The following MIPEP variants were observed in gnomAD, a reference collection of about 807,000 sequenced individuals.
MIPEP encodes the protein mitochondrial intermediate peptidase.
A neutral mutation model predicts 90.3 loss-of-function variants in MIPEP; 79 were observed. The observed-to-expected ratio is 0.87, with a 90% CI of 0.73 to 1.05. The LOEUF (loss-of-function observed/expected upper bound fraction) is 1.05, where lower values mean the gene tolerates loss of function less well. Ranked by LOEUF, MIPEP falls within the 50% of genes least tolerant of loss-of-function variation. The pLI is 0.00. For missense variants in MIPEP, 940 were observed against 905.6 expected (o/e 1.04, Z -0.49); for synonymous variants, 334 against 315.8 (o/e 1.06, Z -0.61).
rs1870902428 is a variant in MIPEP at position 23,873,085 on chromosome 13, C to T, written c.603+1761G>A. Among the ~76,000 whole-genome samples, 2 of 152,106 alleles carry T rather than the reference C, an allele frequency of 1.3e-5. 1 individual carries two copies. The highest frequency in any genetic ancestry group is 1.3e-4 in the Admixed American group (2 of 15,274). The stretch of plus-strand genomic sequence containing the variant: ...CCACATGACTGAAATAAGTAAAATA[C>T]GTTCGGATGAATACAAAATTCCACC... On this transcript the variant is annotated intron_variant, in intron 5 of 18. Coordinates refer to ENST00000382172, the MANE Select transcript of MIPEP (RefSeq NM_005932.4).
At chr13:23,866,064 A>G (rs5024798) in intron 7 of MIPEP, among the ~76,000 whole-genome samples, 142,898 of 152,068 alleles carry the variant, frequency 0.94, 67,175 homozygotes, top group East Asian at 1. Context: ...CTCATTCACT[A>G]GCCACATGAA....
At chr13:23,788,242 T>C (rs915143899) in intron 16 of MIPEP, among the ~76,000 whole-genome samples, 1 of 152,224 alleles carries the variant, frequency 6.6e-6, no homozygotes, top group Non-Finnish European at 1.5e-5. Context: ...TTCCCTAAAC[T>C]TATTTATGAA....
intron 16 of MIPEP, among the ~76,000 whole-genome samples, chr13:23,769,194 C>G (rs549275154): frequency 1.3e-5 from 2 of 152,300 alleles, no homozygotes; most frequent in South Asian, 4.1e-4. Flanking sequence ...AAAATAAGGA[C>G]GTCCATGGTC....
intron 18 of MIPEP, among the ~76,000 whole-genome samples, chr13:23,754,604 C>T (rs979215895): frequency 6.6e-6 from 1 of 152,162 alleles, no homozygotes; most frequent in Non-Finnish European, 1.5e-5. Context: ...GGGAAGCCGA[C>T]TAGAAAAGCA....
At chr13:23,814,543 G>A (rs1297467839) in intron 14 of MIPEP, among the ~76,000 whole-genome samples, 1 of 151,986 alleles carries the variant, frequency 6.6e-6, no homozygotes, top group Non-Finnish European at 1.5e-5. Flanking sequence ...TTACAGGTGT[G>A]AGCCACCACG....
rs188936625 is a variant in MIPEP at position 23,812,006 on chromosome 13, G to C, written c.1654-2082C>G. ...GGTGCATTAGCTTTTCTGGGCAGTG[G>C]GCAAGAAGAACCCATTGAGCTGTGA... On this transcript the variant is annotated intron_variant, in intron 14 of 18. Coordinates refer to ENST00000382172, the MANE Select transcript of MIPEP (RefSeq NM_005932.4). 3.9e-5 allele frequency among the ~76,000 whole-genome samples: 6 copies of C among 152,080 alleles called. No homozygotes were observed. In the East Asian group the frequency reaches 7.8e-4, roughly 20 times the overall value.
At chr13:23,885,427 T>A (rs954145901) in intron 2 of MIPEP, among the ~76,000 whole-genome samples, 1 of 152,138 alleles carries the variant, frequency 6.6e-6, no homozygotes, top group Non-Finnish European at 1.5e-5. Context: ...TTGTAGATTT[T>A]AAAATAACCA....
At chr13:23,817,464 T>C (rs9510874) in intron 14 of MIPEP, among the ~76,000 whole-genome samples, 29,007 of 152,076 alleles carry the variant, frequency 0.19, 3,242 homozygotes, top group Non-Finnish European at 0.25. Context: ...GCTATAAATC[T>C]CCACTTTTCC....
At chr13:23,827,872 A>G (rs1376810609) in intron 14 of MIPEP, among the ~76,000 whole-genome samples, 1 of 152,218 alleles carries the variant, frequency 6.6e-6, no homozygotes, top group African/African-American at 2.4e-5. Flanking sequence ...TGGAAGTTGC[A>G]GTGAGCAGAG....
chr13:23,832,416 A>G (rs1868811342), intron 14 of MIPEP, among the ~76,000 whole-genome samples: 1 of 152,164 alleles, frequency 6.6e-6, no homozygotes, highest in Non-Finnish European at 1.5e-5. Flanking sequence ...GGAACAGAGA[A>G]CAGACTAATA....
chr13:23,732,203 G>A (rs1269005419), intron 18 of MIPEP, among the ~76,000 whole-genome samples: 1 of 151,828 alleles, frequency 6.6e-6, no homozygotes, highest in Non-Finnish European at 1.5e-5. Context: ...TGCCCAGGCT[G>A]GTCTTGAACT....
chr13:23,867,303 T>G (rs371708676), intron 7 of MIPEP, among the ~76,000 whole-genome samples: 1 of 152,284 alleles, frequency 6.6e-6, no homozygotes, highest in East Asian at 1.9e-4. Flanking sequence ...GGCATTTTTC[T>G]GCCTCAAGAC....
In MIPEP at chr13:23,864,186, G is replaced by T; in HGVS notation, c.947C>A (p.Thr316Asn). 6.4e-7 allele frequency: 1 copy of T among 1,558,584 alleles called. No individual in the cohort carries two copies. The highest frequency in any genetic ancestry group is 8.7e-7 in the Non-Finnish European group (1 of 1,150,128). Residue 316 changes from threonine to asparagine, a missense_variant, in exon 8 of 19, where the codon ACT (threonine) becomes AAT (asparagine). Coordinates refer to ENST00000382172, the MANE Select transcript of MIPEP (RefSeq NM_005932.4). ...TAGTTTTTCAAGGAACTGCATGACA[G>T]TCTCTAAAACGAAATCCAAAAGAAA... ...LQGTIAKNPE[T>N]VMQFLEKLSD...
intron 18 of MIPEP, among the ~76,000 whole-genome samples, chr13:23,742,170 A>T (rs528772970): frequency 6.6e-6 from 1 of 152,358 alleles, no homozygotes; most frequent in East Asian, 1.9e-4. Context: ...ATTATTTGAA[A>T]TTTCAGGCTA....
At chr13:23,778,606 C>A (rs1215245932) in intron 16 of MIPEP, among the ~76,000 whole-genome samples, 2 of 152,146 alleles carry the variant, frequency 1.3e-5, no homozygotes, top group Admixed American at 1.3e-4. Flanking sequence ...CTTGCTTTGA[C>A]ACATCCTATG....
chr13:23,770,417 G>GT (rs1952635564), intron 16 of MIPEP, among the ~76,000 whole-genome samples: 1 of 152,134 alleles, frequency 6.6e-6, no homozygotes, highest in Non-Finnish European at 1.5e-5. Flanking sequence ...TCTCTGATGA[G>GT]TAAAAAAAGG....
intron 10 of MIPEP, among the ~76,000 whole-genome samples, chr13:23,846,978 GT>G (rs891567230): frequency 3.3e-5 from 5 of 152,174 alleles, no homozygotes; most frequent in African/African-American, 9.6e-5. Flanking sequence ...GAGAAAACAG[GT>G]TTACAAGACA....
rs553998148 is a variant in MIPEP at position 23,869,828 on chromosome 13, G to A, written c.786+185C>T. Among the ~76,000 whole-genome samples the A allele has an allele frequency of 2.0e-5, 3 of 152,316 alleles. No individual in the cohort carries two copies. The South Asian group carries it at 6.2e-4, about 32-fold the overall frequency. ...ATAAGGAGTCTTGTATGAAATATAA[G>A]TAATTAAATCATTTTCATTCTTTAA... On this transcript the variant is annotated intron_variant, in intron 6 of 18. Coordinates refer to ENST00000382172, the MANE Select transcript of MIPEP (RefSeq NM_005932.4).
At chr13:23,835,524 C>T (rs59932195) in intron 14 of MIPEP, among the ~76,000 whole-genome samples, 2,730 of 152,060 alleles carry the variant, frequency 0.018, 109 homozygotes, top group African/African-American at 0.062. Flanking sequence ...CAGATGAATA[C>T]AATTTACATT....
Sources: gnomAD v4.1 joint callset for allele counts (sites outside exome capture counted in the v4.1 genomes callset) on GRCh38, gnomAD v4.1.1 for gene constraint, MANE v1.5 for transcripts, NCBI Gene and HGNC (gene_info 2026-07-23, HGNC 2026-07-21) for gene names.